Variants in ARMC2 observed in about 807,000 individuals in gnomAD.
ARMC2 encodes the protein armadillo repeat containing 2.
A neutral mutation model predicts 90.3 loss-of-function variants in ARMC2; 67 were observed. That is an observed-to-expected ratio of 0.74 (90% CI 0.61 to 0.91). The LOEUF (loss-of-function observed/expected upper bound fraction) is 0.91, where lower values mean the gene tolerates loss of function less well. ARMC2 is among the 40% of genes least tolerant of loss of function. ARMC2 has a pLI of 0.00. For missense variants in ARMC2, 920 were observed against 1,030.9 expected, an observed-to-expected ratio of 0.89 and a Z score of 1.47; for synonymous variants, 393 against 393.0, an observed-to-expected ratio of 1.00 and a Z score of 0.00.
intron 8 of ARMC2, among the ~76,000 whole-genome samples, chr6:108,905,678 T>C (rs1772612395): frequency 6.6e-6 from 1 of 152,222 alleles, no homozygotes; most frequent in Admixed American, 6.5e-5. Context: ...ATGACACAAA[T>C]TTAACTATTT....
the ARMC2 span, chr6:108,994,632 G>A: frequency 3.2e-5 from 49 of 1,543,122 alleles, no homozygotes; most frequent in Non-Finnish European, 4.1e-5. Flanking sequence ...TACAATTAAT[G>A]TTACATGTGG....
intron 13 of ARMC2, among the ~76,000 whole-genome samples, chr6:108,958,508 T>A (rs976637980): frequency 1.3e-5 from 2 of 152,170 alleles, no homozygotes; most frequent in Admixed American, 6.5e-5. Context: ...CGCCCAAATG[T>A]GTGGTCCTTC....
At chr6:108,962,554 G>A (rs1212919828) in intron 15 of ARMC2, among the ~76,000 whole-genome samples, 1 of 152,166 alleles carries the variant, frequency 6.6e-6, no homozygotes. Flanking sequence ...GCATTTAAAA[G>A]CAATAGGAGG....
intron 5 of ARMC2, among the ~76,000 whole-genome samples, chr6:108,890,491 G>A (rs1422428673): frequency 2.0e-5 from 3 of 152,064 alleles, no homozygotes; most frequent in African/African-American, 7.2e-5. Flanking sequence ...TTGGGAGGCC[G>A]AGATGGGAGG....
chr6:108,903,349 T>G (rs989077713), intron 7 of ARMC2, among the ~76,000 whole-genome samples: 2 of 152,092 alleles, frequency 1.3e-5, no homozygotes, highest in Admixed American at 1.3e-4. Flanking sequence ...CAAGCAACCC[T>G]CCCACCTCGG....
the ARMC2 span, chr6:109,009,536 C>A: frequency 8.7e-7 from 1 of 1,152,512 alleles, no homozygotes. Context: ...GGCTGCAGCG[C>A]CTCAGTCAGC....
At chr6:108,955,477 A>T (rs1777511015) in intron 13 of ARMC2, among the ~76,000 whole-genome samples, 1 of 152,172 alleles carries the variant, frequency 6.6e-6, no homozygotes. Flanking sequence ...CAGATGAGGA[A>T]ACGGGCTCAG....
the ARMC2 span, among the ~76,000 whole-genome samples, chr6:108,996,519 AGCCC>A: frequency 7.9e-5 from 12 of 152,192 alleles, no homozygotes; most frequent in African/African-American, 2.7e-4. Context: ...CCTCTTAAAG[AGCCC>A]AAATTTTAAG....
chr6:108,863,085 G>C (rs1470367021), intron 3 of ARMC2, among the ~76,000 whole-genome samples: 1 of 152,144 alleles, frequency 6.6e-6, no homozygotes, highest in Admixed American at 6.5e-5. Flanking sequence ...CCTCCAGCCC[G>C]ACTTGCCCAG....
chr6:108,953,051 G>GT lies in ARMC2; in HGVS notation c.1620dup (p.Ile541TyrfsTer10). On this transcript the variant is annotated frameshift_variant, in exon 13 of 18. Coordinates refer to ENST00000392644, the MANE Select transcript of ARMC2 (RefSeq NM_032131.6). LOFTEE classifies it high-confidence loss of function. ...ATTGCAGGATTTAGTCGTCCGTGTTGTTTTTATTCTTGGCAACCTGACGGC... is the reference window on the plus strand; with the variant it reads ...ATTGCAGGATTTAGTCGTCCGTGTTGTTTTTTATTCTTGGCAACCTGACGGC... 6.2e-7 allele frequency: 1 copy of GT among 1,611,332 alleles called. No homozygotes were observed. Among genetic ancestry groups the GT allele is most frequent in the Non-Finnish European group, 8.5e-7 (1 of 1,178,640 alleles).
chr6:108,962,836 C>T (rs1341167920), intron 15 of ARMC2, among the ~76,000 whole-genome samples: 1 of 152,030 alleles, frequency 6.6e-6, no homozygotes, highest in Non-Finnish European at 1.5e-5. Flanking sequence ...GAGAACCTGT[C>T]TCTACAAAAA....
At chr6:108,983,092 C>T in the ARMC2 span, among the ~76,000 whole-genome samples, 2 of 152,138 alleles carry the variant, frequency 1.3e-5, no homozygotes, top group African/African-American at 4.8e-5. Flanking sequence ...GCTGGGATTA[C>T]AGGCATGAGC....
the ARMC2 span, among the ~76,000 whole-genome samples, chr6:109,037,880 T>C: frequency 6.6e-6 from 1 of 152,126 alleles, no homozygotes; most frequent in Admixed American, 6.5e-5. Flanking sequence ...TTTACATATT[T>C]AGTTGATGTT....
rs1051087460 is a variant in ARMC2, at chr6:108,854,305, A to T, written c.38A>T (p.Asp13Val). 6.2e-7 allele frequency: 1 copy of T among 1,611,958 alleles called. No individual in the cohort carries two copies. Among genetic ancestry groups the T allele is most frequent in the Non-Finnish European group, 8.5e-7 (1 of 1,179,268 alleles). Reference sequence around the variant, plus strand: ...AATGATAAAATGTTAGGAAAACTGGATCCATTTTATCAACCTTCAGTGTCC... The same window carrying T: ...AATGATAAAATGTTAGGAAAACTGGTTCCATTTTATCAACCTTCAGTGTCC... ...SPNDKMLGKL[D>V]PFYQPSVSKQ... Residue 13 changes from aspartate (D) to valine (V), a missense_variant, in exon 2 of 18, where the codon GAT (aspartate) becomes GTT (valine). Coordinates refer to ENST00000392644, the MANE Select transcript of ARMC2 (RefSeq NM_032131.6).
chr6:108,886,890 TTTTG>T (rs1309916793), intron 5 of ARMC2, among the ~76,000 whole-genome samples: 22 of 149,806 alleles, frequency 1.5e-4, no homozygotes, highest in South Asian at 8.5e-4. Flanking sequence ...ATAGTTTTTT[TTTTG>T]TTTGTTTGTT....
At chr6:108,894,237 G>A (rs1771374873) in intron 5 of ARMC2, among the ~76,000 whole-genome samples, 1 of 152,192 alleles carries the variant, frequency 6.6e-6, no homozygotes, top group Admixed American at 6.5e-5. Context: ...ATAGTGGCAT[G>A]TGCCTGTAGT....
the ARMC2 span, among the ~76,000 whole-genome samples, chr6:109,005,123 T>C: frequency 1.3e-5 from 2 of 152,228 alleles, no homozygotes; most frequent in Non-Finnish European, 2.9e-5. Context: ...CGTAAAAGGA[T>C]AACCACTGCA....
At chr6:108,896,895 T>A (rs138520262) in intron 6 of ARMC2, among the ~76,000 whole-genome samples, 64 of 151,100 alleles carry the variant, frequency 4.2e-4, no homozygotes, top group Non-Finnish European at 6.6e-4. Context: ...TATGTATCAA[T>A]TAAATAACTC....
intron 10 of ARMC2, among the ~76,000 whole-genome samples, chr6:108,917,168 T>C (rs1385279815): frequency 6.6e-6 from 1 of 152,306 alleles, no homozygotes; most frequent in Non-Finnish European, 1.5e-5. Context: ...TTATTTGCCT[T>C]CTTTAGATAT....
Sources: allele counts gnomAD v4.1 joint callset (sites outside exome capture counted in the v4.1 genomes callset), GRCh38; gene constraint gnomAD v4.1.1; transcripts MANE v1.5; gene names NCBI Gene and HGNC (gene_info 2026-07-23, HGNC 2026-07-21).